The following SLC39A14 variants were observed in gnomAD, a reference collection of about 807,000 sequenced individuals.
The protein encoded by SLC39A14 is solute carrier family 39 member 14, also known as metal cation symporter ZIP14.
A neutral mutation model predicts 45.5 loss-of-function variants in SLC39A14; 19 were observed. The ratio of observed to expected loss-of-function variants is 0.42; its 90% CI spans 0.29 to 0.61. SLC39A14 has a LOEUF of 0.61. SLC39A14 is among the 20% of genes least tolerant of loss of function. SLC39A14 has a pLI of 0.22. For missense variants in SLC39A14, 447 were observed against 616.5 expected, an observed-to-expected ratio of 0.73 and a Z score of 2.91; for synonymous variants, 264 against 251.3, an observed-to-expected ratio of 1.05 and a Z score of -0.48.
At chr8:22,415,665 G>A (rs1835829201) in intron 5 of SLC39A14, 104 bp from the exon 6 acceptor site, 1 of 1,047,688 alleles carries the variant, frequency 9.5e-7, no homozygotes, top group East Asian at 2.6e-5. Context: ...TCGATGGTAA[G>A]GCTGAGGTCT....
rs921666047 is a variant in SLC39A14, at chr8:22,417,532, G to A, written c.1148-119G>A. On this transcript the variant is annotated intron_variant, in intron 7 of 8. Coordinates refer to ENST00000381237, the MANE Select transcript of SLC39A14 (RefSeq NM_001128431.4). ...GTCGCCAGGCTGGATTCAAACTCCT[G>A]AGCTCAAACAGTCCTCCCAGCTGAG... The A allele has an allele frequency of 7.2e-6, 6 of 838,594 alleles. No homozygotes were observed. In the African/African-American group the frequency reaches 1.0e-4, roughly 14 times the overall value. The allele number at this position is 838,594 out of a possible 1,614,324, so 51.9% of individuals were successfully genotyped here.
At chr8:22,383,344 G>A (rs549772153) in intron 1 of SLC39A14, among the ~76,000 whole-genome samples, 1 of 152,200 alleles carries the variant, frequency 6.6e-6, no homozygotes, top group East Asian at 1.9e-4. Flanking sequence ...CTCACCAGAA[G>A]CACCTCATCC....
At chr8:22,370,172 GTGCACA>G (rs2132145903) in intron 1 of SLC39A14, among the ~76,000 whole-genome samples, 1 of 152,176 alleles carries the variant, frequency 6.6e-6, no homozygotes, top group South Asian at 2.1e-4. Context: ...GTGCACATCT[GTGCACA>G]TGTGCGTGTG....
chr8:22,392,090 G>A (rs1238181524), intron 1 of SLC39A14, among the ~76,000 whole-genome samples: 2 of 152,188 alleles, frequency 1.3e-5, no homozygotes, highest in African/African-American at 2.4e-5. Flanking sequence ...GGCTCCCTGG[G>A]AAACAAGGTA....
At chr8:22,415,298 A>G in intron 5 of SLC39A14, 1 of 210,814 alleles carries the variant, frequency 4.7e-6, no homozygotes, top group Non-Finnish European at 9.2e-6. Flanking sequence ...AGTGGCTGGC[A>G]TGCAGTTATT....
At chr8:22,375,644 C>T (rs1008561626) in intron 1 of SLC39A14, among the ~76,000 whole-genome samples, 1 of 152,096 alleles carries the variant, frequency 6.6e-6, no homozygotes, top group Admixed American at 6.5e-5. Context: ...CATGCACCAC[C>T]ATGCCCGGCT....
intron 8 of SLC39A14, among the ~76,000 whole-genome samples, chr8:22,433,704 C>T (rs1241970000): frequency 1.3e-5 from 2 of 151,970 alleles, no homozygotes; most frequent in African/African-American, 2.4e-5. Context: ...GGACCACAGG[C>T]GCATGCCACC....
rs1173332563 is a variant in SLC39A14, at chr8:22,421,850, T to C, written c.*2152T>C. Reference sequence around the variant, plus strand: ...CTATAATCTTTAACAAATTGAAAAATGAAATAGGGTGTTTTCCCTTTTTGT... The same window carrying C: ...CTATAATCTTTAACAAATTGAAAAACGAAATAGGGTGTTTTCCCTTTTTGT... On this transcript the variant is annotated 3_prime_UTR_variant, in exon 9 of 9. Transcript: ENST00000381237. 1.0e-6 allele frequency: 1 copy of C among 985,274 alleles called. No individual in the cohort carries two copies. The highest frequency in any genetic ancestry group is 1.2e-6 in the Non-Finnish European group (1 of 829,904). The allele number at this position is 985,274 out of a possible 1,614,324, so 61.0% of individuals were successfully genotyped here.
At chr8:22,399,498 G>C (rs888313482) in intron 1 of SLC39A14, among the ~76,000 whole-genome samples, 1 of 152,202 alleles carries the variant, frequency 6.6e-6, no homozygotes, top group Non-Finnish European at 1.5e-5. Context: ...GGCCAGGCAG[G>C]GGGGCTGTGC....
chr8:22,401,048 G>A (rs1834823344), intron 1 of SLC39A14, among the ~76,000 whole-genome samples: 1 of 152,224 alleles, frequency 6.6e-6, no homozygotes, highest in African/African-American at 2.4e-5. Context: ...AAAACTGAAG[G>A]TAGAGGGAGA....
At chr8:22,428,321 T>C (rs1836417905) in intron 8 of SLC39A14, among the ~76,000 whole-genome samples, 5 of 151,894 alleles carry the variant, frequency 3.3e-5, no homozygotes, top group Admixed American at 3.3e-4. Flanking sequence ...AATAAAAATC[T>C]AAACAGAGAT....
At chr8:22,375,123 C>T (rs1309988765) in intron 1 of SLC39A14, among the ~76,000 whole-genome samples, 3 of 152,168 alleles carry the variant, frequency 2.0e-5, no homozygotes, top group African/African-American at 4.8e-5. Context: ...CAGCCTCCTG[C>T]CACCTTCCTT....
rs568667043 is a variant in SLC39A14, at chr8:22,373,996, GATC to G, written c.-16+6589_-16+6591del. On this transcript the variant is annotated intron_variant, in intron 1 of 8. Transcript: ENST00000381237. ...GCTGGTCTCGAACTCGAGCTCAAGT[GATC>G]CACCGGTCTTGGCCTCCCGAAGTGC... is the stretch of plus-strand genomic sequence containing the variant. 3.3e-3 allele frequency among the ~76,000 whole-genome samples: 500 copies of G among 152,356 alleles called. 4 individuals are homozygous for G. The highest frequency in any genetic ancestry group is 5.2e-3 in the Non-Finnish European group (354 of 68,034).
At chr8:22,423,576 C>A (rs1031686704), downstream of SLC39A14, among the ~76,000 whole-genome samples, 2 of 152,066 alleles carry the variant, frequency 1.3e-5, no homozygotes, top group African/African-American at 4.8e-5. Flanking sequence ...ACCTCGTGAT[C>A]CCCCTGCCTC....
chr8:22,423,405 G>A (rs528996284), downstream of SLC39A14, among the ~76,000 whole-genome samples: 29 of 151,056 alleles, frequency 1.9e-4, no homozygotes, highest in African/African-American at 4.9e-4. Flanking sequence ...GCACGATCTC[G>A]GCTCACTGCA....
chr8:22,373,368 A>C (rs1833036469), intron 1 of SLC39A14, among the ~76,000 whole-genome samples: 1 of 152,172 alleles, frequency 6.6e-6, no homozygotes, highest in Non-Finnish European at 1.5e-5. Flanking sequence ...ATTTTAAAAT[A>C]ATTATTTATT....
intron 3 of SLC39A14, chr8:22,409,924 G>C (rs368739877): frequency 6.2e-7 from 1 of 1,613,218 alleles, no homozygotes; most frequent in Non-Finnish European, 8.5e-7. Context: ...AGAGGCCCTC[G>C]TCTGTTCTTG....
chr8:22,376,957 C>A (rs1180811707), intron 1 of SLC39A14, among the ~76,000 whole-genome samples: 1 of 152,144 alleles, frequency 6.6e-6, no homozygotes, highest in Non-Finnish European at 1.5e-5. Flanking sequence ...TACTTTGAGA[C>A]TATGCAAATC....
chr8:22,397,667 T>C (rs1834582652), intron 1 of SLC39A14, among the ~76,000 whole-genome samples: 1 of 152,176 alleles, frequency 6.6e-6, no homozygotes, highest in Non-Finnish European at 1.5e-5. Flanking sequence ...TCAGGGTTTT[T>C]CCCTACGCCT....
Sources: allele counts gnomAD v4.1 joint callset (sites outside exome capture counted in the v4.1 genomes callset), GRCh38; gene constraint gnomAD v4.1.1; transcripts MANE v1.5; gene names NCBI Gene and HGNC (gene_info 2026-07-23, HGNC 2026-07-21).